Variants in OCA2 observed in about 807,000 individuals in gnomAD.
The protein encoded by OCA2 is P protein.
OCA2 carries 77 observed loss-of-function variants against 100.2 expected under a neutral mutation model. The observed-to-expected ratio is 0.77, with a 90% CI of 0.64 to 0.93. The LOEUF (loss-of-function observed/expected upper bound fraction) is 0.93, where lower values mean the gene tolerates loss of function less well. Ranked by LOEUF, OCA2 falls within the 40% of genes least tolerant of loss-of-function variation. The pLI, the probability that OCA2 is intolerant of heterozygous loss-of-function variation, is 0.00. For missense variants in OCA2, 1,062 were observed against 1,089.1 expected (o/e 0.98, Z 0.35); for synonymous variants, 432 against 439.2 (o/e 0.98, Z 0.21).
At chr15:28,051,756 G>A (rs1208474752) in intron 2 of OCA2, among the ~76,000 whole-genome samples, 2 of 152,034 alleles carry the variant, frequency 1.3e-5, no homozygotes, top group African/African-American at 4.8e-5. Flanking sequence ...CAGACCAGGT[G>A]TAGTCTCCGA....
intron 2 of OCA2, among the ~76,000 whole-genome samples, chr15:28,045,303 T>C (rs1397343466): frequency 6.6e-6 from 1 of 152,244 alleles, no homozygotes; most frequent in Non-Finnish European, 1.5e-5. Context: ...TAGGAATATA[T>C]ACATGTATGT....
chr15:27,829,656 C>T (rs1042712997), intron 23 of OCA2, among the ~76,000 whole-genome samples: 11 of 152,184 alleles, frequency 7.2e-5, no homozygotes, highest in Non-Finnish European at 1.5e-4. Flanking sequence ...TGTGCCTGTA[C>T]TGGGATCCCT....
rs144961781 is a variant in OCA2 at position 28,039,280 on chromosome 15, C to T, written c.228-7117G>A. Among the ~76,000 whole-genome samples the T allele has an allele frequency of 3.7e-3, 568 of 152,276 alleles. 8 individuals are homozygous for T. Among genetic ancestry groups the T allele is most frequent in the Admixed American group, 0.034 (523 of 15,298 alleles). Reference sequence around the variant, plus strand: ...TCAATAACAAAACAGAAGACTTGAACAACATTATAAACCAATTGGACCTAA... The same window carrying T: ...TCAATAACAAAACAGAAGACTTGAATAACATTATAAACCAATTGGACCTAA... On this transcript the variant is annotated intron_variant, in intron 2 of 23. Coordinates refer to ENST00000354638, the MANE Select transcript of OCA2 (RefSeq NM_000275.3).
intron 2 of OCA2, among the ~76,000 whole-genome samples, chr15:28,038,505 A>G (rs2043110518): frequency 1.3e-5 from 2 of 152,230 alleles, no homozygotes; most frequent in Non-Finnish European, 2.9e-5. Flanking sequence ...TTCAGGAGAT[A>G]GAGTCACAGA....
At chr15:28,080,816 T>C (rs2044597549) in intron 2 of OCA2, among the ~76,000 whole-genome samples, 2 of 152,250 alleles carry the variant, frequency 1.3e-5, no homozygotes, top group South Asian at 2.1e-4. Flanking sequence ...CAAGGACATC[T>C]ATGTGAACTG....
At chr15:27,982,759 C>G (rs2041209679) in intron 14 of OCA2, among the ~76,000 whole-genome samples, 1 of 152,116 alleles carries the variant, frequency 6.6e-6, no homozygotes, top group Non-Finnish European at 1.5e-5. Flanking sequence ...TGAGAAAATT[C>G]TAATGATCAA....
At chr15:27,900,942 G>A (rs920829382) in intron 19 of OCA2, among the ~76,000 whole-genome samples, 8 of 152,228 alleles carry the variant, frequency 5.3e-5, no homozygotes, top group African/African-American at 1.2e-4. Context: ...TCAGGGGAAC[G>A]TGGCATTAAA....
At chr15:28,020,098 G>A (rs1392556018) in intron 6 of OCA2, among the ~76,000 whole-genome samples, 1 of 151,988 alleles carries the variant, frequency 6.6e-6, no homozygotes, top group Non-Finnish European at 1.5e-5. Flanking sequence ...GCCACACAGG[G>A]AGCAGGCGAG....
chr15:27,983,789 G>A (rs1343830988), intron 13 of OCA2, among the ~76,000 whole-genome samples: 1 of 151,936 alleles, frequency 6.6e-6, no homozygotes, highest in Non-Finnish European at 1.5e-5. Flanking sequence ...GGCAGGGCAG[G>A]CCCTCCACAG....
intron 9 of OCA2, 40 bp downstream of exon 9, chr15:28,014,734 CTG>C: frequency 6.2e-7 from 1 of 1,603,692 alleles, no homozygotes; most frequent in Non-Finnish European, 8.5e-7. Flanking sequence ...GCCTCCCTGA[CTG>C]TGGGCCCAGA....
At chr15:27,794,407 T>G (rs1268207960) in intron 23 of OCA2, among the ~76,000 whole-genome samples, 2 of 152,120 alleles carry the variant, frequency 1.3e-5, no homozygotes, top group Non-Finnish European at 2.9e-5. Flanking sequence ...TGAGGCAGAT[T>G]TTTACATGTG....
At chr15:27,764,114 CAGAA>C (rs566842930) in intron 23 of OCA2, among the ~76,000 whole-genome samples, 28 of 148,890 alleles carry the variant, frequency 1.9e-4, no homozygotes, top group Non-Finnish European at 3.6e-4. Flanking sequence ...GGGAGAGAGA[CAGAA>C]GGAAAAAGGG....
chr15:28,097,259 G>A (rs552901975), intron 1 of OCA2, among the ~76,000 whole-genome samples: 1 of 152,236 alleles, frequency 6.6e-6, no homozygotes, highest in Non-Finnish European at 1.5e-5. Context: ...CGGGTCCCGC[G>A]GGTGGCCGGC....
At chr15:27,980,154 C>T (rs561486075) in intron 14 of OCA2, among the ~76,000 whole-genome samples, 17 of 152,010 alleles carry the variant, frequency 1.1e-4, no homozygotes, top group African/African-American at 3.9e-4. Context: ...GACAGAGTCT[C>T]GCTCTGTTGC....
At chr15:28,027,253 C>G (rs2042780289) in intron 4 of OCA2, among the ~76,000 whole-genome samples, 1 of 152,194 alleles carries the variant, frequency 6.6e-6, no homozygotes, top group Non-Finnish European at 1.5e-5. Flanking sequence ...CCACGCCCGC[C>G]GTCCCCCTAC....
At chr15:27,727,714 A>G in the OCA2 span, among the ~76,000 whole-genome samples, 1 of 152,230 alleles carries the variant, frequency 6.6e-6, no homozygotes, top group African/African-American at 2.4e-5. Context: ...CAGTGAAGTG[A>G]GTATTCTAAA....
rs567582038 is a variant in OCA2 at position 27,807,651 on chromosome 15, G to A, written c.2432+37308C>T. Among the ~76,000 whole-genome samples the A allele has an allele frequency of 3.0e-4, 45 of 152,200 alleles. No homozygotes were observed. In the South Asian group the frequency reaches 3.7e-3, roughly 13 times the overall value. ...TTGCACTGAGGTAGGTTGCACAGCT[G>A]TGGATTTATTGCTTGGCCTTTTTCA... On this transcript the variant is annotated intron_variant, in intron 23 of 23. Transcript: ENST00000354638.
At chr15:28,005,045 C>T (rs1434386893) in intron 9 of OCA2, among the ~76,000 whole-genome samples, 4 of 152,112 alleles carry the variant, frequency 2.6e-5, no homozygotes, top group East Asian at 1.9e-4. Flanking sequence ...AACTGTGTGC[C>T]GGCCTCGCCT....
intron 23 of OCA2, among the ~76,000 whole-genome samples, chr15:27,765,397 C>G (rs1374885242): frequency 6.6e-6 from 1 of 152,176 alleles, no homozygotes; most frequent in African/African-American, 2.4e-5. Context: ...CTTCCACAAA[C>G]AAGTTTATCT....
Sources: allele counts gnomAD v4.1 joint callset (sites outside exome capture counted in the v4.1 genomes callset), GRCh38; gene constraint gnomAD v4.1.1; transcripts MANE v1.5; gene names NCBI Gene and HGNC (gene_info 2026-07-23, HGNC 2026-07-21).